C1orf87: variants seen among roughly 807,000 people sequenced by gnomAD.
C1orf87 encodes the protein uncharacterized protein C1orf87.
In C1orf87, 58 loss-of-function variants were observed where a neutral mutation model predicts 60.5. The observed-to-expected ratio is 0.96, with a 90% CI of 0.78 to 1.19. The LOEUF is 1.19. Among genes scored for constraint, C1orf87 ranks in the 50% most tolerant of loss-of-function variants. The pLI is 0.00. For missense variants in C1orf87, 673 were observed against 638.6 expected, an observed-to-expected ratio of 1.05 and a Z score of -0.58; for synonymous variants, 236 against 227.4, an observed-to-expected ratio of 1.04 and a Z score of -0.34.
At chr1:60,066,324 T>C (rs959435899) in intron 2 of C1orf87, among the ~76,000 whole-genome samples, 1 of 152,230 alleles carries the variant, frequency 6.6e-6, no homozygotes, top group Non-Finnish European at 1.5e-5. Context: ...TCTCAATTAC[T>C]GCCACAGCTT....
chr1:60,020,306 G>T (rs1320180415), intron 8 of C1orf87, among the ~76,000 whole-genome samples: 1 of 152,112 alleles, frequency 6.6e-6, no homozygotes, highest in Non-Finnish European at 1.5e-5. Context: ...TGCCTAGTGG[G>T]GTTTGAGAAG....
At chr1:59,995,086 C>A (rs529975012) in intron 11 of C1orf87, among the ~76,000 whole-genome samples, 1 of 152,194 alleles carries the variant, frequency 6.6e-6, no homozygotes, top group Non-Finnish European at 1.5e-5. Context: ...TCAAATCTGT[C>A]GGAATCTGCC....
At chr1:60,067,941 G>T (rs1157382091) in intron 2 of C1orf87, among the ~76,000 whole-genome samples, 1 of 151,976 alleles carries the variant, frequency 6.6e-6, no homozygotes, top group Non-Finnish European at 1.5e-5. Flanking sequence ...TTCAGCACAT[G>T]GCTAGCCAGT....
At chr1:60,070,465 A>G (rs1645576838) in intron 2 of C1orf87, among the ~76,000 whole-genome samples, 2 of 152,214 alleles carry the variant, frequency 1.3e-5, no homozygotes, top group Admixed American at 1.3e-4. Flanking sequence ...GAGTATAAAC[A>G]CTTTTGGGAA....
chr1:59,991,875 C>A (rs1574288491), intron 11 of C1orf87, among the ~76,000 whole-genome samples: 1 of 152,064 alleles, frequency 6.6e-6, no homozygotes, highest in East Asian at 1.9e-4. Context: ...CACTCATAAG[C>A]CCCTAATTGC....
At chr1:60,027,605 T>C (rs1645208481) in intron 7 of C1orf87, among the ~76,000 whole-genome samples, 1 of 152,008 alleles carries the variant, frequency 6.6e-6, no homozygotes. Flanking sequence ...CATTTTAAAA[T>C]GACAACAAAA....
intron 3 of C1orf87, 91 bp downstream of exon 3, chr1:60,055,113 T>G: frequency 1.8e-6 from 2 of 1,132,378 alleles, no homozygotes; most frequent in African/African-American, 3.1e-5. Flanking sequence ...TAATGAACAT[T>G]TGTACAGTGT....
intron 2 of C1orf87, among the ~76,000 whole-genome samples, chr1:60,067,628 T>A (rs571456512): frequency 1.3e-5 from 2 of 151,086 alleles, no homozygotes; most frequent in Non-Finnish European, 2.9e-5. Flanking sequence ...ATTAGCCCTT[T>A]GTCAGATGGA....
At chr1:60,024,733 A>G (rs1645186832) in intron 8 of C1orf87, among the ~76,000 whole-genome samples, 1 of 151,990 alleles carries the variant, frequency 6.6e-6, no homozygotes, top group African/African-American at 2.4e-5. Context: ...AGCTAGGCTC[A>G]CTTGCTTTAT....
At chr1:60,066,804 C>A (rs1340552447) in intron 2 of C1orf87, among the ~76,000 whole-genome samples, 1 of 151,924 alleles carries the variant, frequency 6.6e-6, no homozygotes, top group Non-Finnish European at 1.5e-5. Flanking sequence ...TTAGGTATTT[C>A]TTCTAATGTT....
intron 3 of C1orf87, among the ~76,000 whole-genome samples, chr1:60,054,779 G>T (rs1298257429): frequency 2.0e-5 from 3 of 152,092 alleles, no homozygotes; most frequent in Non-Finnish European, 2.9e-5. Flanking sequence ...AACAGAGTTT[G>T]GGGCCTATAA....
At chr1:60,038,992 A>C (rs1645298408) in intron 5 of C1orf87, among the ~76,000 whole-genome samples, 1 of 152,200 alleles carries the variant, frequency 6.6e-6, no homozygotes, top group Non-Finnish European at 1.5e-5. Context: ...TGCAGTAATA[A>C]ATCAATATTG....
At position 60,025,455 on chromosome 1, in the gene C1orf87, C is replaced by A; in HGVS notation, c.1073G>T (p.Ser358Ile). 6.2e-7 allele frequency: 1 copy of A among 1,613,194 alleles called. No individual in the cohort carries two copies. The highest frequency in any genetic ancestry group is 8.5e-7 in the Non-Finnish European group (1 of 1,179,586). ...ATGGTTAAGCAATGTTTCCAGCAGG[C>A]TCAGGGTCAGATATAATCCATGCTT... ...CGKHGLYLTL[S>I]LLETLLNHQD... Residue 358 changes from serine (S) to isoleucine (I), a missense_variant, in exon 8 of 12, where the codon AGC becomes ATC. Ser to Ile is a moderately radical substitution (Grantham distance 142). Transcript: ENST00000371201.
Position 60,025,503 on chromosome 1 carries a change from A to T in C1orf87, c.1030-5T>A, listed in dbSNP as rs1338053019. The T allele has an allele frequency of 1.3e-6, 2 of 1,576,396 alleles. No individual in the cohort carries two copies. Among genetic ancestry groups the T allele is most frequent in the Non-Finnish European group, 1.7e-6 (2 of 1,164,640 alleles). Reference sequence around the variant, plus strand: ...CTTCCCACATATAGCCCTGACCTACAAGTTAAAAAAAAATAAAAAAGATTT... The same window carrying T: ...CTTCCCACATATAGCCCTGACCTACTAGTTAAAAAAAAATAAAAAAGATTT... On this transcript the variant is annotated splice_region_variant and splice_polypyrimidine_tract_variant and intron_variant, in intron 7 of 11. Transcript: ENST00000371201.
intron 2 of C1orf87, among the ~76,000 whole-genome samples, chr1:60,068,294 G>T (rs1574332634): frequency 6.6e-6 from 1 of 152,146 alleles, no homozygotes; most frequent in Non-Finnish European, 1.5e-5. Flanking sequence ...CTTCTCCAAA[G>T]ATAGCCTTTG....
chr1:60,048,370 C>G (rs1427077004), intron 3 of C1orf87, among the ~76,000 whole-genome samples: 2 of 152,086 alleles, frequency 1.3e-5, no homozygotes, highest in Non-Finnish European at 2.9e-5. Flanking sequence ...TGGGTGAAAT[C>G]TGGGGTGAAA....
intron 2 of C1orf87, among the ~76,000 whole-genome samples, chr1:60,060,160 C>A (rs1286581522): frequency 6.7e-6 from 1 of 149,014 alleles, no homozygotes; most frequent in Non-Finnish European, 1.5e-5. Context: ...TCGAAAAGAT[C>A]AAAAAAATAT....
intron 2 of C1orf87, among the ~76,000 whole-genome samples, chr1:60,070,062 T>A (rs1645574241): frequency 6.6e-6 from 1 of 152,156 alleles, no homozygotes. Context: ...TTCATAGGGA[T>A]CACAGCTCTA....
intron 9 of C1orf87, among the ~76,000 whole-genome samples, chr1:60,004,715 T>C (rs1645030483): frequency 6.6e-6 from 1 of 151,894 alleles, no homozygotes; most frequent in Non-Finnish European, 1.5e-5. Context: ...GAAGGATAAA[T>C]AATAACCATC....
Sources: gnomAD v4.1 joint callset for allele counts (sites outside exome capture counted in the v4.1 genomes callset) on GRCh38, gnomAD v4.1.1 for gene constraint, MANE v1.5 for transcripts, NCBI Gene and HGNC (gene_info 2026-07-23, HGNC 2026-07-21) for gene names.